Variants in SYN3 observed in about 807,000 individuals in gnomAD.
The protein encoded by SYN3 is synapsin-3.
A neutral mutation model predicts 65.8 loss-of-function variants in SYN3; 35 were observed. The ratio of observed to expected loss-of-function variants is 0.53; its 90% CI spans 0.41 to 0.70. SYN3 has a LOEUF of 0.70. Ranked by LOEUF, SYN3 falls within the 30% of genes least tolerant of loss-of-function variation. The pLI is 0.00. For missense variants in SYN3, 680 were observed against 749.0 expected (o/e 0.91, Z 1.08); for synonymous variants, 270 against 292.9 (o/e 0.92, Z 0.80).
chr22:32,693,395 G>A (rs11089585), intron 6 of SYN3, among the ~76,000 whole-genome samples: 3,991 of 152,120 alleles, frequency 0.026, 187 homozygotes, highest in African/African-American at 0.091. Context: ...AGATTTCGTC[G>A]TGCTACTCAG....
chr22:33,013,295 T>C (rs1196973760), intron 1 of SYN3, among the ~76,000 whole-genome samples: 1 of 152,196 alleles, frequency 6.6e-6, no homozygotes, highest in African/African-American at 2.4e-5. Context: ...ATCATGAACA[T>C]GCAGACAAAC....
chr22:32,707,251 A>G lies in SYN3; in HGVS notation c.712-110515T>C, dbSNP rs189219942. On this transcript the variant is annotated intron_variant, in intron 6 of 13. Transcript: ENST00000358763. ...AGAGGATACATGAGCGGATGTGGAC[A>G]TGTTTCCTAGCCTCCTCTGGAGCCA... 2.6e-5 allele frequency among the ~76,000 whole-genome samples: 4 copies of G among 152,316 alleles called. No homozygotes were observed. In the East Asian group the frequency reaches 5.8e-4, roughly 22 times the overall value.
At chr22:32,716,889 A>T (rs2061046769) in intron 6 of SYN3, among the ~76,000 whole-genome samples, 1 of 152,088 alleles carries the variant, frequency 6.6e-6, no homozygotes, top group African/African-American at 2.4e-5. Flanking sequence ...TTTTAAGTGT[A>T]CCATTCAGTA....
At chr22:32,952,819 T>C (rs1445702593) in intron 3 of SYN3, among the ~76,000 whole-genome samples, 1 of 152,218 alleles carries the variant, frequency 6.6e-6, no homozygotes, top group Non-Finnish European at 1.5e-5. Context: ...TACAAAATGT[T>C]TGATGTAACA....
intron 6 of SYN3, among the ~76,000 whole-genome samples, chr22:32,645,347 A>G (rs1187124194): frequency 6.6e-6 from 1 of 151,612 alleles, no homozygotes; most frequent in East Asian, 2.0e-4. Flanking sequence ...GCTACTTGGG[A>G]GGCTGAGGCA....
intron 6 of SYN3, among the ~76,000 whole-genome samples, chr22:32,817,605 G>A (rs898679077): frequency 1.3e-5 from 2 of 152,182 alleles, no homozygotes; most frequent in Non-Finnish European, 2.9e-5. Context: ...GAAGAAAAAG[G>A]AGGAAGGGAA....
chr22:32,951,592 G>A (rs749114446), intron 3 of SYN3, among the ~76,000 whole-genome samples: 2 of 152,128 alleles, frequency 1.3e-5, no homozygotes, highest in Non-Finnish European at 2.9e-5. Flanking sequence ...ATGAACCAAT[G>A]CCCATTTTGC....
intron 7 of SYN3, among the ~76,000 whole-genome samples, chr22:32,591,245 A>G (rs1047167144): frequency 1.3e-5 from 2 of 152,224 alleles, no homozygotes; most frequent in African/African-American, 4.8e-5. Flanking sequence ...TAAAAAAAAA[A>G]ACTTAAAAAT....
intron 6 of SYN3, among the ~76,000 whole-genome samples, chr22:32,715,831 A>C (rs987743687): frequency 6.6e-6 from 1 of 151,764 alleles, no homozygotes; most frequent in African/African-American, 2.4e-5. Flanking sequence ...AATTAGGAGC[A>C]GTGTGCAAGG....
chr22:32,865,246 C>G (rs1300233669), intron 5 of SYN3, among the ~76,000 whole-genome samples: 1 of 152,224 alleles, frequency 6.6e-6, no homozygotes, highest in African/African-American at 2.4e-5. Flanking sequence ...ACACTGGGTT[C>G]AGCCCAACCA....
In SYN3 at chr22:32,611,056, T is replaced by C. The variant is rs552939343; in HGVS notation, c.712-14320A>G. 5.3e-4 allele frequency among the ~76,000 whole-genome samples: 80 copies of C among 152,302 alleles called. 1 individual carries two copies. The South Asian group carries it at 0.016, about 31-fold the overall frequency. ...TGAAGACAAATGAATGTCTAGGAAA[T>C]CTCAAGAATATGGGTAATACTTTGG... On this transcript the variant is annotated intron_variant, in intron 6 of 13. Coordinates refer to ENST00000358763, the MANE Select transcript of SYN3 (RefSeq NM_003490.4).
At chr22:33,006,108 T>C (rs1266082548) in intron 2 of SYN3, among the ~76,000 whole-genome samples, 1 of 152,142 alleles carries the variant, frequency 6.6e-6, no homozygotes, top group Non-Finnish European at 1.5e-5. Flanking sequence ...GGATTTGGGA[T>C]TTGCAGGCGA....
chr22:32,719,297 T>C (rs2061083229), intron 6 of SYN3, among the ~76,000 whole-genome samples: 1 of 152,198 alleles, frequency 6.6e-6, no homozygotes, highest in Admixed American at 6.5e-5. Context: ...GTATTAAATA[T>C]TATAAGGAAG....
Position 32,513,659 on chromosome 22 carries a change from C to T in SYN3, c.*33G>A, listed in dbSNP as rs2057721290. 2 of 1,611,028 alleles carry T rather than the reference C, an allele frequency of 1.2e-6. No homozygotes were observed. Among genetic ancestry groups the T allele is most frequent in the Non-Finnish European group, 1.7e-6 (2 of 1,178,200 alleles). ...TGAGGCAGGAGGGGGACGAGTGTAG[C>T]AGAGCACTCTTCCCCTCCCAGCCTG... On this transcript the variant is annotated 3_prime_UTR_variant, in exon 14 of 14. Coordinates refer to ENST00000358763, the MANE Select transcript of SYN3 (RefSeq NM_003490.4).
intron 7 of SYN3, among the ~76,000 whole-genome samples, chr22:32,595,598 T>C (rs1475431225): frequency 6.6e-6 from 1 of 152,210 alleles, no homozygotes; most frequent in Non-Finnish European, 1.5e-5. Flanking sequence ...TTTCTAGGTG[T>C]CAGCAGCCCT....
chr22:32,916,900 C>T (rs946731994), intron 4 of SYN3, among the ~76,000 whole-genome samples: 1 of 152,156 alleles, frequency 6.6e-6, no homozygotes, highest in East Asian at 1.9e-4. Context: ...GTAAATGGAG[C>T]ACTCCATCCC....
chr22:32,631,205 GA>G (rs2146818102), intron 6 of SYN3, among the ~76,000 whole-genome samples: 1 of 151,704 alleles, frequency 6.6e-6, no homozygotes, highest in East Asian at 1.9e-4. Context: ...TGAGGCAGAA[GA>G]ATTGCTTGAA....
intron 6 of SYN3, among the ~76,000 whole-genome samples, chr22:32,740,746 C>A (rs760282771): frequency 6.6e-6 from 1 of 152,164 alleles, no homozygotes; most frequent in Non-Finnish European, 1.5e-5. Context: ...AAGACCTTTT[C>A]TTGAATTACA....
chr22:32,985,748 A>C (rs567737287), intron 2 of SYN3, among the ~76,000 whole-genome samples: 4 of 152,064 alleles, frequency 2.6e-5, no homozygotes, highest in African/African-American at 9.6e-5. Flanking sequence ...TGTCTATTTC[A>C]TGGTTGCATC....
Sources: allele counts gnomAD v4.1 joint callset (sites outside exome capture counted in the v4.1 genomes callset), GRCh38; gene constraint gnomAD v4.1.1; transcripts MANE v1.5; gene names NCBI Gene and HGNC (gene_info 2026-07-23, HGNC 2026-07-21).